Variants in SPDYA observed in about 807,000 individuals in gnomAD.
SPDYA encodes the protein speedy/RINGO cell cycle regulator family member A.
A neutral mutation model predicts 36.7 loss-of-function variants in SPDYA; 11 were observed. The observed-to-expected ratio is 0.30, with a 90% CI of 0.19 to 0.50. SPDYA has a LOEUF of 0.50. Ranked by LOEUF, SPDYA falls within the 20% of genes least tolerant of loss-of-function variation. The pLI is 0.98. For missense variants in SPDYA, 287 were observed against 370.9 expected, an observed-to-expected ratio of 0.77 and a Z score of 1.86; for synonymous variants, 115 against 118.7, an observed-to-expected ratio of 0.97 and a Z score of 0.20.
Position 28,829,278 on chromosome 2 carries a change from A to G in SPDYA, c.511A>G (p.Ile171Val). ...GTTAAGGGACCAGCTCTGGGATAGAATTGACTATAGGGCTATTGTAAGCAG... is the reference window on the plus strand; with the variant it reads ...GTTAAGGGACCAGCTCTGGGATAGAGTTGACTATAGGGCTATTGTAAGCAG... Reference protein sequence around the residue: ...LKLRDQLWDRIDYRAIVSRRC... With the variant: ...LKLRDQLWDRVDYRAIVSRRC... Residue 171 changes from isoleucine (I) to valine (V), a missense_variant, in exon 6 of 8, where the codon ATT becomes GTT. Physicochemically the swap from Ile to Val is conservative, Grantham distance 29. Coordinates refer to ENST00000334056, the MANE Select transcript of SPDYA (RefSeq NM_182756.4). The G allele has an allele frequency of 6.2e-7, 1 of 1,614,062 alleles. No homozygotes were observed. Among genetic ancestry groups the G allele is most frequent in the Non-Finnish European group, 8.5e-7 (1 of 1,179,996 alleles).
In SPDYA at chr2:28,850,054, G is replaced by A; in HGVS notation, c.*113G>A. 2.6e-6 allele frequency: 3 copies of A among 1,162,054 alleles called. No homozygotes were observed. The South Asian group carries it at 4.1e-5, about 16-fold the overall frequency. The allele number at this position is 1,162,054 out of a possible 1,614,324, so 72.0% of individuals were successfully genotyped here. On this transcript the variant is annotated 3_prime_UTR_variant, in exon 8 of 8. Coordinates refer to ENST00000334056, the MANE Select transcript of SPDYA (RefSeq NM_182756.4). ...GTTTTGCTATGTTATACATCTTTTA[G>A]TTGTTATTTTCAAAATTATATGTAT...
At chr2:28,833,199 C>G (rs775535083) in intron 6 of SPDYA, among the ~76,000 whole-genome samples, 18 of 152,086 alleles carry the variant, frequency 1.2e-4, no homozygotes, top group Non-Finnish European at 2.2e-4. Flanking sequence ...ATCATGACTT[C>G]TCTACTCAAA....
At chr2:28,836,739 T>C (rs533800199) in intron 6 of SPDYA, among the ~76,000 whole-genome samples, 1 of 152,318 alleles carries the variant, frequency 6.6e-6, no homozygotes, top group African/African-American at 2.4e-5. Flanking sequence ...TGTGATTAAA[T>C]TGGAAAATAT....
chr2:28,845,291 T>G (rs551365683), intron 7 of SPDYA, among the ~76,000 whole-genome samples: 1 of 149,028 alleles, frequency 6.7e-6, no homozygotes, highest in African/African-American at 2.5e-5. Flanking sequence ...AGACTTCCTA[T>G]GTTGCCCAGA....
At chr2:28,817,385 A>G (rs1419341622) in intron 3 of SPDYA, among the ~76,000 whole-genome samples, 1 of 152,128 alleles carries the variant, frequency 6.6e-6, no homozygotes, top group Non-Finnish European at 1.5e-5. Context: ...AACATGGAGA[A>G]ACCCTGTCTC....
rs1481020656 is a variant in SPDYA, at chr2:28,842,753, A to C, written c.850+2284A>C. On this transcript the variant is annotated intron_variant, in intron 7 of 7. Coordinates refer to ENST00000334056, the MANE Select transcript of SPDYA (RefSeq NM_182756.4). Reference sequence around the variant, plus strand: ...GTATTGATTGTACACATATTTTACCAGTAAAAATATACATTCATTTTCCTC... The same window carrying C: ...GTATTGATTGTACACATATTTTACCCGTAAAAATATACATTCATTTTCCTC... Among the ~76,000 whole-genome samples the C allele has an allele frequency of 3.9e-5, 6 of 152,228 alleles. No individual in the cohort carries two copies. The South Asian group carries it at 1.2e-3, about 31-fold the overall frequency.
chr2:28,848,844 G>C (rs952119284), intron 7 of SPDYA, among the ~76,000 whole-genome samples: 2 of 152,034 alleles, frequency 1.3e-5, no homozygotes, highest in African/African-American at 4.8e-5. Flanking sequence ...CGGAGTTTGA[G>C]ACCAGCCTGG....
intron 7 of SPDYA, chr2:28,840,929 AGT>A (rs1668734581): frequency 1.2e-4 from 19 of 163,978 alleles, no homozygotes; most frequent in Non-Finnish European, 1.7e-4. Flanking sequence ...CTCCAAAACC[AGT>A]TTTTTTTTTT....
chr2:28,848,014 T>C lies in SPDYA; in HGVS notation c.851-1836T>C, dbSNP rs530215789. Among the ~76,000 whole-genome samples, 43 of 152,334 alleles carry C rather than the reference T, an allele frequency of 2.8e-4. No homozygotes were observed. The South Asian group carries it at 8.7e-3, about 31-fold the overall frequency. ...TGTGTAGTAGGCTATACCACCTAGG[T>C]TTGTGTAAGTACACTATGTAATGTT... is the stretch of plus-strand genomic sequence containing the variant. On this transcript the variant is annotated intron_variant, in intron 7 of 7. Coordinates refer to ENST00000334056, the MANE Select transcript of SPDYA (RefSeq NM_182756.4).
intron 6 of SPDYA, among the ~76,000 whole-genome samples, chr2:28,835,609 T>C (rs1668577958): frequency 6.6e-6 from 1 of 152,220 alleles, no homozygotes; most frequent in South Asian, 2.1e-4. Context: ...ATTTGTTGAC[T>C]GATCAAATGA....
chr2:28,819,323 A>G (rs1369463880), intron 4 of SPDYA, among the ~76,000 whole-genome samples: 1 of 152,128 alleles, frequency 6.6e-6, no homozygotes, highest in African/African-American at 2.4e-5. Flanking sequence ...AGCCTGGGCA[A>G]CATAGTGAGA....
At position 28,824,965 on chromosome 2, in the gene SPDYA, A is replaced by G. The variant is rs116557833; in HGVS notation, c.380+2555A>G. On this transcript the variant is annotated intron_variant, in intron 5 of 7. Coordinates refer to ENST00000334056, the MANE Select transcript of SPDYA (RefSeq NM_182756.4). ...ATAGTATTAGGTAATACTGAGTACT[A>G]TGTGCAAGGCACCACAAAAAATTTT... is the stretch of plus-strand genomic sequence containing the variant. Among the ~76,000 whole-genome samples, 358 of 152,332 alleles carry G rather than the reference A, an allele frequency of 2.4e-3. 3 individuals carry two copies. The highest frequency in any genetic ancestry group is 8.3e-3 in the African/African-American group (347 of 41,584).
At chr2:28,849,272 C>A (rs946519603) in intron 7 of SPDYA, among the ~76,000 whole-genome samples, 1 of 152,088 alleles carries the variant, frequency 6.6e-6, no homozygotes, top group African/African-American at 2.4e-5. Flanking sequence ...GTAATTAATT[C>A]ATGTTTCCAA....
At chr2:28,827,532 T>C (rs1372732632) in intron 5 of SPDYA, among the ~76,000 whole-genome samples, 1 of 152,230 alleles carries the variant, frequency 6.6e-6, no homozygotes, top group Admixed American at 6.5e-5. Context: ...TGTTTTGTAA[T>C]ATTTTTATTG....
At chr2:28,847,343 A>AAAAC (rs907110852) in intron 7 of SPDYA, among the ~76,000 whole-genome samples, 129 of 151,860 alleles carry the variant, frequency 8.5e-4, no homozygotes, top group Middle Eastern at 3.4e-3. Context: ...ACTCTGTCTC[A>AAAAC]AAACAAACAA....
chr2:28,815,162 G>T (rs1441457103), intron 2 of SPDYA, among the ~76,000 whole-genome samples: 1 of 151,748 alleles, frequency 6.6e-6, no homozygotes, highest in Non-Finnish European at 1.5e-5. Context: ...TACACCTGTG[G>T]TCCCAACTAC....
At position 28,850,080 on chromosome 2, in the gene SPDYA, A is replaced by C; in HGVS notation, c.*139A>C. The C allele has an allele frequency of 8.7e-7, 1 of 1,154,242 alleles. No individual in the cohort carries two copies. Among genetic ancestry groups the C allele is most frequent in the Non-Finnish European group, 1.3e-6 (1 of 797,374 alleles). The allele number at this position is 1,154,242 out of a possible 1,614,324, so 71.5% of individuals were successfully genotyped here. The stretch of plus-strand genomic sequence containing the variant: ...TTGTTATTTTCAAAATTATATGTAT[A>C]AGTTATATAAGTCATAGTAATAGCT... On this transcript the variant is annotated 3_prime_UTR_variant, in exon 8 of 8. Coordinates refer to ENST00000334056, the MANE Select transcript of SPDYA (RefSeq NM_182756.4).
At chr2:28,840,127 T>G in intron 6 of SPDYA, 45 bp from the exon 7 acceptor site, 1 of 1,539,198 alleles carries the variant, frequency 6.5e-7, no homozygotes, top group Non-Finnish European at 8.8e-7. Flanking sequence ...TTTTAGTAAA[T>G]TTTGAAATAT....
intron 4 of SPDYA, among the ~76,000 whole-genome samples, chr2:28,819,788 C>T (rs1204008585): frequency 9.2e-5 from 12 of 130,400 alleles, no homozygotes; most frequent in Non-Finnish European, 1.6e-4. Context: ...GTTCCAAGAC[C>T]AGCCTTGGCA....
Sources: gnomAD v4.1 joint callset for allele counts (sites outside exome capture counted in the v4.1 genomes callset) on GRCh38, gnomAD v4.1.1 for gene constraint, MANE v1.5 for transcripts, NCBI Gene and HGNC (gene_info 2026-07-23, HGNC 2026-07-21) for gene names.